ZNF366: variants seen among roughly 807,000 people sequenced by gnomAD.
ZNF366 encodes the protein zinc finger protein 366, also known as dendritic cell-specific transcript protein.
In ZNF366, 20 loss-of-function variants were observed where a neutral mutation model predicts 47.2. That is an observed-to-expected ratio of 0.42 (90% CI 0.30 to 0.62). ZNF366 has a LOEUF of 0.62. Ranked by LOEUF, ZNF366 falls within the 20% of genes least tolerant of loss-of-function variation. The probability of loss-of-function intolerance (pLI) is 0.16; values close to 1 mark genes in which losing one functional copy is unlikely to be tolerated. For missense variants in ZNF366, 987 were observed against 976.3 expected (o/e 1.01, Z -0.15); for synonymous variants, 421 against 395.1 (o/e 1.07, Z -0.78).
Position 72,460,387 on chromosome 5 carries a change from G to A in ZNF366, c.1110C>T (p.Cys370=), listed in dbSNP as rs201820869. The A allele has an allele frequency of 1.7e-5, 27 of 1,614,106 alleles. No homozygotes were observed. The highest frequency in any genetic ancestry group is 1.3e-4 in the South Asian group (12 of 91,080). Residue 370 remains cysteine, a synonymous_variant, in exon 2 of 5, where the codon TGC becomes TGT. Transcript: ENST00000318442. ...ASGRENICVE[C]GLDFPTLAQL... is the part of the protein sequence containing the mutation. ...GGGCCAAGGTGGGGAAGTCGAGGCCGCACTCCACACAGATGTTCTCGCGCC... is the reference window on the plus strand; with the variant it reads ...GGGCCAAGGTGGGGAAGTCGAGGCCACACTCCACACAGATGTTCTCGCGCC...
At position 72,460,381 on chromosome 5, in the gene ZNF366, G is replaced by A. The variant is rs752354224; in HGVS notation, c.1116C>T (p.Leu372=). The stretch of plus-strand genomic sequence containing the variant: ...TCAGCTGGGCCAAGGTGGGGAAGTC[G>A]AGGCCGCACTCCACACAGATGTTCT... ...GRENICVECG[L]DFPTLAQLKR... is the part of the protein sequence containing the mutation. Residue 372 remains leucine, a synonymous_variant, in exon 2 of 5, where the codon CTC becomes CTT. Transcript: ENST00000318442. The A allele has an allele frequency of 1.1e-5, 17 of 1,614,104 alleles. No individual in the cohort carries two copies. Among genetic ancestry groups the A allele is most frequent in the East Asian group, 6.7e-5 (3 of 44,890 alleles).
chr5:72,462,320 G>T (rs372660497), intron 1 of ZNF366, among the ~76,000 whole-genome samples: 2 of 152,090 alleles, frequency 1.3e-5, no homozygotes, highest in African/African-American at 4.8e-5. Flanking sequence ...AAATAAAGCC[G>T]CACATGGGTC....
At chr5:72,499,865 CATCCAGGCAGAGGCCCCATTTT>C (rs547113682) in intron 1 of ZNF366, among the ~76,000 whole-genome samples, 339 of 152,254 alleles carry the variant, frequency 2.2e-3, no homozygotes, top group Non-Finnish European at 2.9e-3. Context: ...CCATGGGCTC[CATCCAGGCAGAGGCCCCATTTT>C]GTCCAGGCTT....
intron 1 of ZNF366, among the ~76,000 whole-genome samples, chr5:72,492,054 C>T (rs578058487): frequency 1.3e-4 from 20 of 152,270 alleles, no homozygotes; most frequent in African/African-American, 4.1e-4. Context: ...AAAACCATAC[C>T]TTACTTAGAT....
intron 1 of ZNF366, among the ~76,000 whole-genome samples, chr5:72,505,129 T>A (rs184746369): frequency 6.6e-5 from 10 of 152,292 alleles, no homozygotes; most frequent in African/African-American, 2.2e-4. Context: ...ATACTGTGTG[T>A]CTCAAATTCT....
chr5:72,466,244 G>A lies in ZNF366; in HGVS notation c.-14-4734C>T, dbSNP rs911241787. Among the ~76,000 whole-genome samples the A allele has an allele frequency of 4.6e-5, 7 of 152,182 alleles. No individual in the cohort carries two copies. The East Asian group carries it at 7.7e-4, about 17-fold the overall frequency. Reference sequence around the variant, plus strand: ...GGTGAGTTTATTCATACCATGTGGCGATAAACCATGTAGTTAAAGAATACC... The same window carrying A: ...GGTGAGTTTATTCATACCATGTGGCAATAAACCATGTAGTTAAAGAATACC... On this transcript the variant is annotated intron_variant, in intron 1 of 4. Transcript: ENST00000318442.
At chr5:72,447,496 T>C (rs2112315726) in intron 3 of ZNF366, 79 bp from the exon 4 acceptor site, 1 of 1,497,640 alleles carries the variant, frequency 6.7e-7, no homozygotes, top group Non-Finnish European at 9.1e-7. Flanking sequence ...ACAGATACCG[T>C]TTCTACTTTG....
At chr5:72,469,293 T>C (rs1254875311) in intron 1 of ZNF366, among the ~76,000 whole-genome samples, 1 of 152,120 alleles carries the variant, frequency 6.6e-6, no homozygotes, top group Non-Finnish European at 1.5e-5. Context: ...TACACAACTC[T>C]GTAATTTGTC....
intron 2 of ZNF366, among the ~76,000 whole-genome samples, chr5:72,458,102 C>T (rs1259653829): frequency 5.4e-5 from 8 of 149,180 alleles, no homozygotes; most frequent in African/African-American, 2.0e-4. Context: ...CTGCAAGCTC[C>T]GCCTCCTGGG....
chr5:72,458,466 A>C (rs1472279282), intron 2 of ZNF366, among the ~76,000 whole-genome samples: 4 of 152,230 alleles, frequency 2.6e-5, no homozygotes, highest in Admixed American at 2.6e-4. Flanking sequence ...CTGGCCTAGA[A>C]TGCAAATGAG....
intron 1 of ZNF366, among the ~76,000 whole-genome samples, chr5:72,480,175 T>G (rs1356706775): frequency 6.6e-6 from 1 of 152,202 alleles, no homozygotes. Context: ...TGTGAAAGTA[T>G]GCAGAAATAG....
At chr5:72,460,055 C>T (rs1743267792) in intron 2 of ZNF366, 110 bp downstream of exon 2, 1 of 1,432,066 alleles carries the variant, frequency 7.0e-7, no homozygotes, top group South Asian at 1.4e-5. Context: ...TTGCCCACCT[C>T]CTCGGGGTAA....
At chr5:72,505,762 G>A (rs931525640) in intron 1 of ZNF366, among the ~76,000 whole-genome samples, 40 of 152,206 alleles carry the variant, frequency 2.6e-4, no homozygotes, top group East Asian at 1.3e-3. Context: ...TAATGCCCTC[G>A]ACAATCTATT....
intron 1 of ZNF366, among the ~76,000 whole-genome samples, chr5:72,474,017 C>T (rs947381656): frequency 6.6e-6 from 1 of 152,176 alleles, no homozygotes; most frequent in Non-Finnish European, 1.5e-5. Flanking sequence ...ATTAATGTTG[C>T]CATTGGTTGC....
rs1467123450 is a variant in ZNF366, at chr5:72,460,611, G to C, written c.886C>G (p.Leu296Val). 9 of 1,614,040 alleles carry C rather than the reference G, an allele frequency of 5.6e-6. No individual in the cohort carries two copies. Among genetic ancestry groups the C allele is most frequent in the Non-Finnish European group, 7.6e-6 (9 of 1,180,050 alleles). Residue 296 changes from leucine (L) to valine (V), a missense_variant, in exon 2 of 5, where the codon CTG becomes GTG. Leu to Val is a conservative substitution (Grantham distance 32). This residue lies in a region of ZNF366 where 591 missense variants were observed against 560.9 expected (regional missense o/e 1.05). Coordinates refer to ENST00000318442, the MANE Select transcript of ZNF366 (RefSeq NM_152625.3). ...TGGTGGGTCAGCATGTGGGTATGCA[G>C]GTGGCTGAGCTGCTTGAAGAGCTTC... ...CGKLFKQLSH[L>V]HTHMLTHQGT...
At chr5:72,459,056 G>T (rs926758393) in intron 2 of ZNF366, among the ~76,000 whole-genome samples, 2 of 152,144 alleles carry the variant, frequency 1.3e-5, no homozygotes, top group African/African-American at 4.8e-5. Context: ...CTCCCCTCTG[G>T]ATAGTATCTA....
At chr5:72,507,122 G>A (rs533633329) in intron 1 of ZNF366, 129 bp downstream of exon 1, 2 of 634,806 alleles carry the variant, frequency 3.2e-6, no homozygotes, top group South Asian at 6.9e-5. Context: ...GAAATTCTGG[G>A]CCATCTATCA....
At chr5:72,493,746 A>G (rs932762646) in intron 1 of ZNF366, 2 of 152,004 alleles carry the variant, frequency 1.3e-5, no homozygotes, top group African/African-American at 4.8e-5. Context: ...ATTCAGTAAC[A>G]TTAAACATTT....
intron 3 of ZNF366, among the ~76,000 whole-genome samples, chr5:72,450,666 C>T (rs1297984489): frequency 1.3e-5 from 2 of 152,200 alleles, no homozygotes; most frequent in Non-Finnish European, 2.9e-5. Flanking sequence ...GATACTCGGG[C>T]TCCATTCACA....
Sources: allele counts gnomAD v4.1 joint callset (sites outside exome capture counted in the v4.1 genomes callset), GRCh38; gene constraint gnomAD v4.1.1; regional missense constraint gnomAD v4.1.1; transcripts MANE v1.5; gene names NCBI Gene and HGNC (gene_info 2026-07-23, HGNC 2026-07-21).